The following ATXN7L1 variants were observed in gnomAD, a reference collection of about 807,000 sequenced individuals.
The protein encoded by ATXN7L1 is ataxin 7 like 1.
ATXN7L1 carries 15 observed loss-of-function variants against 70.8 expected under a neutral mutation model. The observed-to-expected ratio is 0.21, with a 90% confidence interval of 0.14 to 0.33. ATXN7L1 has a LOEUF of 0.33. Ranked by LOEUF, ATXN7L1 falls within the 10% of genes least tolerant of loss-of-function variation. ATXN7L1 has a pLI of 1.00. For missense variants in ATXN7L1, 975 were observed against 1,097.1 expected (o/e 0.89, Z 1.57); for synonymous variants, 440 against 445.1 (o/e 0.99, Z 0.14).
intron 3 of ATXN7L1, among the ~76,000 whole-genome samples, chr7:105,718,448 T>C (rs1270041259): frequency 6.6e-6 from 1 of 152,184 alleles, no homozygotes; most frequent in East Asian, 1.9e-4. Flanking sequence ...TTAAGGCGTA[T>C]TTAAGGAAGC....
chr7:105,741,260 C>G (rs1734031648), intron 3 of ATXN7L1, among the ~76,000 whole-genome samples: 1 of 152,134 alleles, frequency 6.6e-6, no homozygotes, highest in Admixed American at 6.5e-5. Flanking sequence ...TCAGGCTCAT[C>G]TAAATCCAAC....
At chr7:105,684,947 T>C (rs1322181612) in intron 3 of ATXN7L1, among the ~76,000 whole-genome samples, 1 of 152,120 alleles carries the variant, frequency 6.6e-6, no homozygotes, top group Admixed American at 6.5e-5. Flanking sequence ...ATAGGCCTCC[T>C]CTTACTGTTG....
intron 4 of ATXN7L1, among the ~76,000 whole-genome samples, chr7:105,655,252 G>A (rs1257265160): frequency 2.0e-5 from 3 of 152,164 alleles, no homozygotes; most frequent in Non-Finnish European, 2.9e-5. Context: ...TCCCTGTCCT[G>A]GAAGGGACAC....
At chr7:105,639,767 C>T (rs907622787) in intron 5 of ATXN7L1, among the ~76,000 whole-genome samples, 198 bp from the exon 6 acceptor site, 1 of 152,214 alleles carries the variant, frequency 6.6e-6, no homozygotes, top group Admixed American at 6.5e-5. Flanking sequence ...GAAAATGGTG[C>T]TCCCCTCTGA....
intron 7 of ATXN7L1, among the ~76,000 whole-genome samples, chr7:105,626,595 A>G (rs1190121872): frequency 9.2e-5 from 14 of 152,232 alleles, no homozygotes; most frequent in Admixed American, 9.2e-4. Context: ...CCTGTACTAT[A>G]AAAACAAAGC....
At chr7:105,652,624 A>G (rs846942) in intron 4 of ATXN7L1, among the ~76,000 whole-genome samples, 1,744 of 152,260 alleles carry the variant, frequency 0.011, 30 homozygotes, top group African/African-American at 0.04. Context: ...CTGTTTCCCA[A>G]CAGTCCTGGA....
chr7:105,628,134 T>C (rs1796018941), intron 7 of ATXN7L1, among the ~76,000 whole-genome samples: 2 of 152,224 alleles, frequency 1.3e-5, no homozygotes, highest in Non-Finnish European at 2.9e-5. Context: ...TGAGCCACTG[T>C]GCCCGGCCTG....
intron 3 of ATXN7L1, among the ~76,000 whole-genome samples, chr7:105,768,879 G>C (rs1801618782): frequency 6.6e-6 from 1 of 152,246 alleles, no homozygotes; most frequent in African/African-American, 2.4e-5. Flanking sequence ...TCTAGAATTA[G>C]AAACTGTAAA....
intron 3 of ATXN7L1, among the ~76,000 whole-genome samples, chr7:105,675,763 C>G (rs570773486): frequency 1.3e-5 from 2 of 151,790 alleles, no homozygotes; most frequent in South Asian, 4.2e-4. Flanking sequence ...CAGACAACAA[C>G]AAAACACTAA....
At chr7:105,834,014 T>A (rs1248340724) in intron 2 of ATXN7L1, among the ~76,000 whole-genome samples, 1 of 152,202 alleles carries the variant, frequency 6.6e-6, no homozygotes, top group African/African-American at 2.4e-5. Flanking sequence ...TATGGTATTT[T>A]CCCATGTCAT....
intron 2 of ATXN7L1, among the ~76,000 whole-genome samples, chr7:105,823,224 T>A (rs1305661583): frequency 6.6e-6 from 1 of 152,160 alleles, no homozygotes; most frequent in South Asian, 2.1e-4. Context: ...GTTTTCTATC[T>A]CCTACAAAGT....
chr7:105,652,006 G>T (rs1799922793), intron 4 of ATXN7L1, among the ~76,000 whole-genome samples: 1 of 152,192 alleles, frequency 6.6e-6, no homozygotes, highest in Non-Finnish European at 1.5e-5. Flanking sequence ...AGGGCATGGA[G>T]CTCAGAAGGT....
At chr7:105,660,219 G>A (rs997418288) in intron 4 of ATXN7L1, among the ~76,000 whole-genome samples, 4 of 151,952 alleles carry the variant, frequency 2.6e-5, no homozygotes, top group Non-Finnish European at 4.4e-5. Flanking sequence ...GTGACCCCCC[G>A]AGCCATCATT....
At chr7:105,670,147 G>A (rs185366932) in intron 3 of ATXN7L1, among the ~76,000 whole-genome samples, 2 of 152,274 alleles carry the variant, frequency 1.3e-5, no homozygotes, top group East Asian at 1.9e-4. Flanking sequence ...GTGAGGAGGC[G>A]GGTTAGGTTA....
chr7:105,782,510 C>T (rs1160062529), intron 3 of ATXN7L1, among the ~76,000 whole-genome samples: 2 of 152,154 alleles, frequency 1.3e-5, no homozygotes, highest in Admixed American at 6.5e-5. Context: ...ACTTCCATGC[C>T]AGGCAAAGGG....
chr7:105,722,469 T>G (rs1272438225), intron 3 of ATXN7L1, among the ~76,000 whole-genome samples: 1 of 143,420 alleles, frequency 7.0e-6, no homozygotes, highest in Non-Finnish European at 1.5e-5. Context: ...GGCTGAGGCA[T>G]GAGAATTGCT....
At chr7:105,608,235 C>T (rs1455248259) in intron 11 of ATXN7L1, among the ~76,000 whole-genome samples, 6 of 152,182 alleles carry the variant, frequency 3.9e-5, no homozygotes, top group Non-Finnish European at 2.9e-5. Flanking sequence ...CTTTTCCTAC[C>T]TAACCTATAG....
intron 2 of ATXN7L1, among the ~76,000 whole-genome samples, chr7:105,852,270 T>C (rs1215693132): frequency 1.3e-5 from 2 of 152,192 alleles, no homozygotes; most frequent in Admixed American, 1.3e-4. Flanking sequence ...GGACTTGCTC[T>C]GTAATTGCAC....
intron 9 of ATXN7L1, among the ~76,000 whole-genome samples, chr7:105,619,513 T>C (rs1468305196): frequency 1.9e-4 from 3 of 15,522 alleles, no homozygotes; most frequent in African/African-American, 2.9e-4. Flanking sequence ...TATATATATA[T>C]ATATATATAT....
Sources: allele counts gnomAD v4.1 joint callset (sites outside exome capture counted in the v4.1 genomes callset), GRCh38; gene constraint gnomAD v4.1.1; transcripts MANE v1.5; gene names NCBI Gene and HGNC (gene_info 2026-07-23, HGNC 2026-07-21).